Variants in ERICH1 observed in about 807,000 individuals in gnomAD.
The protein encoded by ERICH1 is glutamate-rich protein 1.
A neutral mutation model predicts 39.6 loss-of-function variants in ERICH1; 56 were observed. The ratio of observed to expected loss-of-function variants is 1.41; its 90% CI spans 1.14 to 1.77. The LOEUF (loss-of-function observed/expected upper bound fraction) is 1.77. Among genes scored for constraint, ERICH1 ranks in the 40% most tolerant of loss-of-function variants. The pLI is 0.00. For missense variants in ERICH1, 826 were observed against 575.4 expected (o/e 1.44, Z -4.45); for synonymous variants, 313 against 223.6 (o/e 1.40, Z -3.57).
intron 3 of ERICH1, among the ~76,000 whole-genome samples, chr8:637,970 C>T (rs943159065): frequency 6.6e-6 from 1 of 152,234 alleles, no homozygotes; most frequent in African/African-American, 2.4e-5. Context: ...GCACCTTTAA[C>T]AAGCCACTAA....
rs75580508 is a variant in ERICH1 at position 627,011 on chromosome 8, C to A, written c.977-11727G>T. On this transcript the variant is annotated intron_variant, in intron 3 of 3. Transcript: ENST00000522706. ...CTTGGCCTGGTACTCACCAAGCTCTCGTCATGGTGTCCGACACTCCCTTCT... is the reference window on the plus strand; with the variant it reads ...CTTGGCCTGGTACTCACCAAGCTCTAGTCATGGTGTCCGACACTCCCTTCT... 5.6e-3 allele frequency: 2,365 copies of A among 425,084 alleles called. 50 individuals are homozygous for A. Among genetic ancestry groups the A allele is most frequent in the African/African-American group, 0.044 (2,166 of 49,704 alleles). The allele number at this position is 425,084 out of a possible 1,614,324, so 26.3% of individuals were successfully genotyped here.
At chr8:718,756 A>T (rs1816617896) in intron 1 of ERICH1, among the ~76,000 whole-genome samples, 1 of 152,214 alleles carries the variant, frequency 6.6e-6, no homozygotes. Flanking sequence ...CTGCTGGCAC[A>T]GCGTGCAGGG....
In ERICH1 at chr8:729,398, G is replaced by A. The variant is rs142156302; in HGVS notation, c.22+1742C>T. Among the ~76,000 whole-genome samples, 382 of 152,172 alleles carry A rather than the reference G, an allele frequency of 2.5e-3. 3 individuals are homozygous for A. Among genetic ancestry groups the A allele is most frequent in the African/African-American group, 7.7e-3 (320 of 41,518 alleles). On this transcript the variant is annotated intron_variant, in intron 1 of 5. Transcript: ENST00000262109. ...GCCAAGCTCCATCCCCTCCTCCTGC[G>A]GCACCTTCCCCTAACTTCACTCGTT... is the stretch of plus-strand genomic sequence containing the variant.
chr8:636,558 C>CT (rs1249053527), intron 3 of ERICH1, among the ~76,000 whole-genome samples: 25 of 152,378 alleles, frequency 1.6e-4, no homozygotes, highest in Non-Finnish European at 3.2e-4. Context: ...GGCCTGTGCA[C>CT]TGAGCACAAG....
intron 3 of ERICH1, among the ~76,000 whole-genome samples, chr8:677,608 TC>T (rs1315289601): frequency 1.3e-5 from 2 of 152,206 alleles, no homozygotes; most frequent in Non-Finnish European, 2.9e-5. Flanking sequence ...AACAGCAGCC[TC>T]TGGGTCTGCC....
chr8:642,743 CTCT>C, intron 3 of ERICH1, among the ~76,000 whole-genome samples: 1 of 152,216 alleles, frequency 6.6e-6, no homozygotes, highest in Non-Finnish European at 1.5e-5. Context: ...GGCGCTGGCC[CTCT>C]TCTTGTGGAG....
At chr8:724,534 G>C (rs1340551646) in intron 1 of ERICH1, among the ~76,000 whole-genome samples, 1 of 152,060 alleles carries the variant, frequency 6.6e-6, no homozygotes, top group Non-Finnish European at 1.5e-5. Context: ...ACGGGGGCGG[G>C]ACCTCAGAGC....
At chr8:681,877 G>C (rs553049079) in intron 3 of ERICH1, among the ~76,000 whole-genome samples, 1 of 152,036 alleles carries the variant, frequency 6.6e-6, no homozygotes, top group South Asian at 2.1e-4. Flanking sequence ...AGTCACTTTC[G>C]CAAGGACCCC....
intron 3 of ERICH1, among the ~76,000 whole-genome samples, chr8:629,899 A>AT (rs1421937209): frequency 9.6e-4 from 130 of 135,282 alleles, no homozygotes; most frequent in South Asian, 1.9e-3. Flanking sequence ...GAGCACCCAC[A>AT]CAGACAGAGC....
intron 3 of ERICH1, among the ~76,000 whole-genome samples, chr8:622,079 G>C (rs1380841483): frequency 6.6e-6 from 1 of 152,100 alleles, no homozygotes; most frequent in Admixed American, 6.5e-5. Context: ...AATTAACCAA[G>C]CGTGGTGGCA....
At chr8:712,952 C>A (rs1023196284) in intron 2 of ERICH1, among the ~76,000 whole-genome samples, 4 of 152,252 alleles carry the variant, frequency 2.6e-5, no homozygotes, top group African/African-American at 4.8e-5. Flanking sequence ...AGGGCTGCCA[C>A]TACAAAGCCC....
chr8:727,639 CCAGCA>C (rs1326482158), intron 1 of ERICH1, among the ~76,000 whole-genome samples: 1 of 152,354 alleles, frequency 6.6e-6, no homozygotes, highest in Middle Eastern at 3.4e-3. Context: ...ATCCTGCGCT[CCAGCA>C]CATGTTCCCC....
chr8:691,772 T>G (rs1161306699), intron 3 of ERICH1, among the ~76,000 whole-genome samples: 1 of 152,230 alleles, frequency 6.6e-6, no homozygotes, highest in Non-Finnish European at 1.5e-5. Context: ...GATATTCAAA[T>G]TAATTAATGT....
Position 698,155 on chromosome 8 carries a change from C to T in ERICH1, c.170-5543G>A, listed in dbSNP as rs992351906. Among the ~76,000 whole-genome samples the T allele has an allele frequency of 1.1e-4, 16 of 152,184 alleles. No individual in the cohort carries two copies. In the East Asian group the frequency reaches 2.5e-3, roughly 24 times the overall value. On this transcript the variant is annotated intron_variant, in intron 2 of 5. Transcript: ENST00000262109. ...ATTTAACATACAGCCAAAGACAGAA[C>T]GCTTTAGTATTTTAATGCATCCTGT... is the stretch of plus-strand genomic sequence containing the variant.
chr8:641,693 G>A (rs370722023), intron 3 of ERICH1, among the ~76,000 whole-genome samples: 70 of 152,310 alleles, frequency 4.6e-4, no homozygotes, highest in African/African-American at 1.6e-3. Context: ...GGGTACGCTG[G>A]CAGCGGAGCT....
At chr8:691,316 C>T (rs1808850741) in intron 3 of ERICH1, among the ~76,000 whole-genome samples, 1 of 152,242 alleles carries the variant, frequency 6.6e-6, no homozygotes, top group South Asian at 2.1e-4. Flanking sequence ...TATCTTTCCA[C>T]TTCCTGTAAG....
chr8:635,590 C>G (rs962161096), intron 3 of ERICH1, among the ~76,000 whole-genome samples: 3 of 152,228 alleles, frequency 2.0e-5, no homozygotes, highest in Non-Finnish European at 4.4e-5. Flanking sequence ...CCAGCCGGCC[C>G]GGCCCCGACC....
intron 2 of ERICH1, among the ~76,000 whole-genome samples, chr8:711,501 CTT>C (rs1353584492): frequency 1.3e-4 from 18 of 142,112 alleles, no homozygotes; most frequent in Admixed American, 2.8e-4. Flanking sequence ...GGTGTAAGAT[CTT>C]TTTTTTTTTT....
intron 3 of ERICH1, among the ~76,000 whole-genome samples, chr8:653,200 A>G (rs1343432573): frequency 1.3e-5 from 2 of 152,260 alleles, no homozygotes; most frequent in Non-Finnish European, 2.9e-5. Flanking sequence ...AAACAGCACC[A>G]TGTCCATCTA....
Sources: allele counts gnomAD v4.1 joint callset (sites outside exome capture counted in the v4.1 genomes callset), GRCh38; gene constraint gnomAD v4.1.1; transcripts MANE v1.5; gene names NCBI Gene and HGNC (gene_info 2026-07-23, HGNC 2026-07-21).